FERMT1: variants seen among roughly 807,000 people sequenced by gnomAD.
FERMT1 encodes the protein FERM domain containing kindlin 1.
FERMT1 carries 60 observed loss-of-function variants against 85.3 expected under a neutral mutation model. The observed-to-expected ratio is 0.70, with a 90% CI of 0.57 to 0.87. The LOEUF is 0.87. Among genes scored for constraint, FERMT1 ranks in the 40% least tolerant of loss-of-function variants. The pLI is 0.00. For missense variants in FERMT1, 701 were observed against 818.9 expected, an observed-to-expected ratio of 0.86 and a Z score of 1.76; for synonymous variants, 275 against 301.1, an observed-to-expected ratio of 0.91 and a Z score of 0.90.
At chr20:6,098,173 A>G (rs1315468798) in intron 6 of FERMT1, among the ~76,000 whole-genome samples, 8 of 152,082 alleles carry the variant, frequency 5.3e-5, no homozygotes, top group Non-Finnish European at 8.8e-5. Context: ...ATTTGATTCC[A>G]TTATTTTCTC....
chr20:6,101,252 C>T (rs1178918513), intron 6 of FERMT1, among the ~76,000 whole-genome samples: 1 of 152,172 alleles, frequency 6.6e-6, no homozygotes, highest in Non-Finnish European at 1.5e-5. Flanking sequence ...TAAGCACATC[C>T]AGTGTTACTG....
At chr20:6,083,303 T>G (rs62200469) in intron 13 of FERMT1, among the ~76,000 whole-genome samples, 14,560 of 152,096 alleles carry the variant, frequency 0.096, 1,080 homozygotes, top group African/African-American at 0.21. Context: ...TGCCCTGGAC[T>G]GGGGGTGAAC....
At chr20:6,121,842 T>A (rs1277395674) in intron 1 of FERMT1, among the ~76,000 whole-genome samples, 2 of 152,212 alleles carry the variant, frequency 1.3e-5, no homozygotes, top group African/African-American at 4.8e-5. Context: ...CTCCTCAAAC[T>A]ACGTGAACTA....
At position 6,077,163 on chromosome 20, in the gene FERMT1, C is replaced by T. The variant is rs1261761041; in HGVS notation, c.*10G>A. 7.4e-6 allele frequency: 12 copies of T among 1,613,154 alleles called. No individual in the cohort carries two copies. Among genetic ancestry groups the T allele is most frequent in the Middle Eastern group, 1.9e-4 (1 of 5,398 alleles). ...GCCTTGTTGGTGTGAGCCGAGCACG[C>T]GTGCTTGTTTCAATCCTGACCGCCG... On this transcript the variant is annotated 3_prime_UTR_variant, in exon 15 of 15. Coordinates refer to ENST00000217289, the MANE Select transcript of FERMT1 (RefSeq NM_017671.5).
chr20:6,082,150 A>C (rs547229403), intron 13 of FERMT1, among the ~76,000 whole-genome samples: 3 of 152,140 alleles, frequency 2.0e-5, no homozygotes, highest in African/African-American at 7.2e-5. Context: ...TCAAAGCCTC[A>C]CCTCCATAAA....
At chr20:6,084,485 C>T (rs146066438) in intron 12 of FERMT1, among the ~76,000 whole-genome samples, 370 of 152,236 alleles carry the variant, frequency 2.4e-3, no homozygotes, top group African/African-American at 8.5e-3. Context: ...CAACTTTTAA[C>T]CCACTCCTAT....
chr20:6,084,310 C>G (rs1186735953), intron 12 of FERMT1, 146 bp from the exon 13 acceptor site: 1 of 897,110 alleles, frequency 1.1e-6, no homozygotes, highest in Admixed American at 2.0e-5. Context: ...CATTCATTCT[C>G]TCTCTTTTTC....
chr20:6,082,642 A>C (rs192948406), intron 13 of FERMT1, among the ~76,000 whole-genome samples: 1 of 152,212 alleles, frequency 6.6e-6, no homozygotes, highest in African/African-American at 2.4e-5. Flanking sequence ...TGAATAGGAA[A>C]GTCTGTTTTT....
intron 6 of FERMT1, among the ~76,000 whole-genome samples, chr20:6,098,198 AC>A (rs1982562134): frequency 1.3e-5 from 2 of 152,076 alleles, no homozygotes; most frequent in Admixed American, 6.6e-5. Flanking sequence ...TTTTATTACT[AC>A]ATATTGGTAG....
intron 8 of FERMT1, 80 bp downstream of exon 8, chr20:6,096,822 T>A: frequency 7.5e-6 from 7 of 938,704 alleles, no homozygotes; most frequent in Non-Finnish European, 9.8e-6. Context: ...TGAAATATTC[T>A]CTTCTAATAA....
chr20:6,082,489 C>T (rs565115714), intron 13 of FERMT1, among the ~76,000 whole-genome samples: 64 of 152,250 alleles, frequency 4.2e-4, no homozygotes, highest in African/African-American at 1.3e-3. Flanking sequence ...TGTGTGTGTC[C>T]GCACATGGAC....
rs1982739167 is a variant in FERMT1 at position 6,104,185 on chromosome 20, T to G, written c.849+3347A>C. ...TGCGCCCGGCTGAGTCTATTATTTT[T>G]GAAATGTTGAATTCTAGCATTTTAC... On this transcript the variant is annotated intron_variant, in intron 6 of 14. Coordinates refer to ENST00000217289, the MANE Select transcript of FERMT1 (RefSeq NM_017671.5). This position sits in a 1 kb window ranked among gnomAD's most constrained non-coding sequence, Gnocchi z 4.2. Among the ~76,000 whole-genome samples, 1 of 152,154 alleles carries G rather than the reference T, an allele frequency of 6.6e-6. No individual in the cohort carries two copies. Among genetic ancestry groups the G allele is most frequent in the Admixed American group, 6.6e-5 (1 of 15,244 alleles).
At chr20:6,109,148 A>G (rs558597805) in intron 5 of FERMT1, among the ~76,000 whole-genome samples, 32 of 152,314 alleles carry the variant, frequency 2.1e-4, no homozygotes, top group Middle Eastern at 3.4e-3. Context: ...GATGACCAAC[A>G]CAAAATCACC....
intron 13 of FERMT1, among the ~76,000 whole-genome samples, chr20:6,080,294 A>T (rs1176919541): frequency 6.6e-6 from 1 of 152,132 alleles, no homozygotes; most frequent in African/African-American, 2.4e-5. Context: ...GAGTGAGATA[A>T]GAAATCCTTC....
chr20:6,084,270 G>T, intron 12 of FERMT1, 106 bp from the exon 13 acceptor site: 1 of 1,240,382 alleles, frequency 8.1e-7, no homozygotes, highest in Non-Finnish European at 1.1e-6. Context: ...AGGTCCGTCT[G>T]CAGCTCTACA....
intron 1 of FERMT1, among the ~76,000 whole-genome samples, chr20:6,121,051 AAC>A (rs1983258671): frequency 6.6e-6 from 1 of 152,224 alleles, no homozygotes; most frequent in African/African-American, 2.4e-5. Flanking sequence ...TGCAAATCTG[AAC>A]AGATTTAGGA....
chr20:6,086,537 C>G lies in FERMT1; in HGVS notation c.1371+1240G>C, dbSNP rs1982191930. Among the ~76,000 whole-genome samples the G allele has an allele frequency of 2.6e-5, 4 of 152,160 alleles. No homozygotes were observed. In the South Asian group the frequency reaches 8.3e-4, roughly 32 times the overall value. Reference sequence around the variant, plus strand: ...GTGAGGAACGTTGAATTACTGGCCTCAATCTTCACTGCCCCTGATAAGGTT... The same window carrying G: ...GTGAGGAACGTTGAATTACTGGCCTGAATCTTCACTGCCCCTGATAAGGTT... On this transcript the variant is annotated intron_variant, in intron 11 of 14. Transcript: ENST00000217289.
chr20:6,117,972 C>T (rs865939574), intron 2 of FERMT1, among the ~76,000 whole-genome samples: 1 of 152,194 alleles, frequency 6.6e-6, no homozygotes, highest in South Asian at 2.1e-4. Flanking sequence ...AGAAAATGCT[C>T]CTCTTAATGC....
In FERMT1 at chr20:6,112,509, A is replaced by T; in HGVS notation, c.500T>A (p.Leu167Gln). 1 of 1,613,802 alleles carries T rather than the reference A, an allele frequency of 6.2e-7. No homozygotes were observed. Among genetic ancestry groups the T allele is most frequent in the Non-Finnish European group, 8.5e-7 (1 of 1,179,798 alleles). The change falls in exon 4 of 15, where the codon CTG (leucine) becomes CAG (glutamine). Residue 167 changes from leucine to glutamine, a missense_variant. Transcript: ENST00000217289. ...KEPIIEDILN[L>Q]ESSPTASGSS... ...ACCTGAAGCTGTTGGAGAACTCTCC[A>T]GGTTTAGAATATCTTCAATTATGGG...
Sources: allele counts gnomAD v4.1 joint callset (sites outside exome capture counted in the v4.1 genomes callset), GRCh38; gene constraint gnomAD v4.1.1; non-coding constraint Gnocchi (gnomAD v3.1); transcripts MANE v1.5; gene names NCBI Gene and HGNC (gene_info 2026-07-23, HGNC 2026-07-21).